Variants in RASA2 observed in about 807,000 individuals in gnomAD.
RASA2 encodes the protein ras GTPase-activating protein 2.
Under a neutral mutation model 118.2 loss-of-function variants are expected in RASA2, and 155 were observed. The observed-to-expected ratio is 1.31, with a 90% CI of 1.15 to 1.50. The LOEUF is 1.50. Among genes scored for constraint, RASA2 ranks in the 40% most tolerant of loss-of-function variants. The pLI is 0.00. For missense variants in RASA2, 1,016 were observed against 1,009.6 expected (o/e 1.01, Z -0.09); for synonymous variants, 353 against 349.1 (o/e 1.01, Z -0.12).
intron 9 of RASA2, among the ~76,000 whole-genome samples, chr3:141,561,531 A>G (rs1267458889): frequency 6.6e-6 from 1 of 152,252 alleles, no homozygotes; most frequent in Non-Finnish European, 1.5e-5. Context: ...TTCATATATA[A>G]TTCCACAGTT....
At chr3:141,608,219 A>G (rs1165241354) in intron 20 of RASA2, among the ~76,000 whole-genome samples, 2 of 151,768 alleles carry the variant, frequency 1.3e-5, no homozygotes, top group Non-Finnish European at 2.9e-5. Context: ...TCCATTAACA[A>G]TTCCCTCCCT....
intron 4 of RASA2, 45 bp downstream of exon 4, chr3:141,529,847 T>C: frequency 7.0e-7 from 1 of 1,434,348 alleles, no homozygotes; most frequent in Non-Finnish European, 9.7e-7. Context: ...TCACAGGAAA[T>C]GAGTAAAAAA....
chr3:141,503,353 A>T (rs1175666563), intron 1 of RASA2, among the ~76,000 whole-genome samples: 1 of 152,170 alleles, frequency 6.6e-6, no homozygotes. Context: ...GTAGCCTGAT[A>T]TTGGAATTTT....
chr3:141,541,971 A>T (rs951037113), intron 5 of RASA2, among the ~76,000 whole-genome samples: 3 of 152,028 alleles, frequency 2.0e-5, no homozygotes, highest in Admixed American at 6.6e-5. Context: ...CCCCTGCTTC[A>T]GTTTAATTAT....
Position 141,551,772 on chromosome 3 carries a change from A to G in RASA2, c.528-2085A>G, listed in dbSNP as rs558253582. On this transcript the variant is annotated intron_variant, in intron 5 of 23. Transcript: ENST00000286364. ...TTTAGTTTAAAAAAAAATCCAAAGA[A>G]AAGAATCAGATCAGTCTTATTCTGA... 5.3e-5 allele frequency among the ~76,000 whole-genome samples: 8 copies of G among 152,272 alleles called. No individual in the cohort carries two copies. The South Asian group carries it at 1.7e-3, about 32-fold the overall frequency.
At chr3:141,581,544 G>A (rs78425303) in intron 17 of RASA2, among the ~76,000 whole-genome samples, 2 of 152,110 alleles carry the variant, frequency 1.3e-5, no homozygotes, top group South Asian at 2.1e-4. Flanking sequence ...CCCCTTAGAC[G>A]CAAGAAGTAT....
chr3:141,526,648 G>A (rs1331276361), intron 3 of RASA2, among the ~76,000 whole-genome samples: 1 of 152,072 alleles, frequency 6.6e-6, no homozygotes, highest in Non-Finnish European at 1.5e-5. Context: ...GTGGAATCAT[G>A]TACTCTTTCT....
At position 141,557,805 on chromosome 3, in the gene RASA2, A is replaced by G. The variant is rs188460162; in HGVS notation, c.685-1081A>G. Among the ~76,000 whole-genome samples, 312 of 152,268 alleles carry G rather than the reference A, an allele frequency of 2.0e-3. 1 individual carries two copies. The highest frequency in any genetic ancestry group is 2.9e-3 in the Non-Finnish European group (197 of 68,002). On this transcript the variant is annotated intron_variant, in intron 7 of 23. Transcript: ENST00000286364. ...GAGAGAATGCAAAGGGCAAGGTAAC[A>G]AATTGGTTATAGAAAAAAAGAGAAA...
intron 3 of RASA2, among the ~76,000 whole-genome samples, chr3:141,518,809 A>G (rs2082069314): frequency 6.6e-6 from 1 of 151,990 alleles, no homozygotes; most frequent in Non-Finnish European, 1.5e-5. Flanking sequence ...AATTTGGTGT[A>G]TTTCTTCCAT....
intron 9 of RASA2, among the ~76,000 whole-genome samples, chr3:141,570,094 T>G (rs539318039): frequency 3.3e-5 from 5 of 151,972 alleles, no homozygotes; most frequent in Non-Finnish European, 7.4e-5. Flanking sequence ...AAGCTTTTTT[T>G]TTTTTTTTTT....
In RASA2 at chr3:141,580,402, C is replaced by G. The variant is rs2083092948; in HGVS notation, c.1625C>G (p.Ser542Ter). Residue 542 changes from serine to a stop codon, truncating the protein, a stop_gained, in exon 16 of 24, where the codon TCA (serine) becomes TGA (stop). Coordinates refer to ENST00000286364, the MANE Select transcript of RASA2 (RefSeq NM_006506.5). LOFTEE classifies it high-confidence loss of function. ...AQTIRTLTLI[S>*]KTIQTLGSWG... ...ACAATTAGAACATTAACTCTCATCT[C>G]AAAAACTATACAAACTTTGGGAAGC... The G allele has an allele frequency of 6.2e-7, 1 of 1,609,792 alleles. No individual in the cohort carries two copies. The highest frequency in any genetic ancestry group is 1.3e-5 in the African/African-American group (1 of 74,866).
intron 19 of RASA2, among the ~76,000 whole-genome samples, chr3:141,599,967 A>C (rs1056006609): frequency 6.6e-6 from 1 of 152,218 alleles, no homozygotes; most frequent in Non-Finnish European, 1.5e-5. Context: ...GAACTGTTTC[A>C]GATTACTTAA....
At chr3:141,571,636 A>T (rs1187746264) in intron 11 of RASA2, 82 bp downstream of exon 11, 1 of 1,361,314 alleles carries the variant, frequency 7.3e-7, no homozygotes, top group Non-Finnish European at 1.0e-6. Flanking sequence ...TGTAGTCTGA[A>T]TTTTTTTGTA....
chr3:141,507,928 A>C (rs961872080), intron 1 of RASA2, among the ~76,000 whole-genome samples: 2 of 152,166 alleles, frequency 1.3e-5, no homozygotes, highest in African/African-American at 4.8e-5. Flanking sequence ...AGGAAGACAT[A>C]CACTGAAGGA....
At chr3:141,600,986 A>G (rs1218579391) in intron 19 of RASA2, among the ~76,000 whole-genome samples, 1 of 152,238 alleles carries the variant, frequency 6.6e-6, no homozygotes, top group Non-Finnish European at 1.5e-5. Flanking sequence ...AAACACACAC[A>G]TAAATATGGC....
rs1464085051 is a variant in RASA2, at chr3:141,604,258, C to G, written c.1934-3420C>G. Among the ~76,000 whole-genome samples, 15 of 152,010 alleles carry G rather than the reference C, an allele frequency of 9.9e-5. 1 individual carries two copies. Among genetic ancestry groups the G allele is most frequent in the Admixed American group, 9.8e-4 (15 of 15,260 alleles). ...TGTTTTGTGTTTTCTATTTACTAGT[C>G]TTTTCTGTTTCTTGGGTTTATTTTT... On this transcript the variant is annotated intron_variant, in intron 19 of 23. Transcript: ENST00000286364.
At position 141,586,017 on chromosome 3, in the gene RASA2, C is replaced by T; in HGVS notation, c.1753-8C>T. Reference sequence around the variant, plus strand: ...CACAGTGTAATATTTGCCCATTTCCCCATTTAGTTCTTGGATGAAATTTCA... The same window carrying T: ...CACAGTGTAATATTTGCCCATTTCCTCATTTAGTTCTTGGATGAAATTTCA... On this transcript the variant is annotated splice_polypyrimidine_tract_variant and splice_region_variant and intron_variant, in intron 17 of 23. Coordinates refer to ENST00000286364, the MANE Select transcript of RASA2 (RefSeq NM_006506.5). 6.2e-7 allele frequency: 1 copy of T among 1,601,586 alleles called. No homozygotes were observed. Among genetic ancestry groups the T allele is most frequent in the Non-Finnish European group, 8.6e-7 (1 of 1,169,578 alleles).
At chr3:141,572,315 C>T (rs2082937100) in intron 11 of RASA2, among the ~76,000 whole-genome samples, 1 of 151,998 alleles carries the variant, frequency 6.6e-6, no homozygotes, top group Non-Finnish European at 1.5e-5. Flanking sequence ...TAGTCTCACA[C>T]TCCTGACTTC....
rs1246513853 is a variant in RASA2 at position 141,489,268 on chromosome 3, CT to C, written c.133+2053del. Among the ~76,000 whole-genome samples the C allele has an allele frequency of 2.6e-5, 4 of 152,158 alleles. No homozygotes were observed. In the East Asian group the frequency reaches 7.7e-4, roughly 29 times the overall value. Reference sequence around the variant, plus strand: ...ATTTGTATACTTATATACAGAAGCTCTCTTCCCATTTCTTTGTCCTCCTTTT... The same window carrying C: ...ATTTGTATACTTATATACAGAAGCTCCTTCCCATTTCTTTGTCCTCCTTTT... On this transcript the variant is annotated intron_variant, in intron 1 of 23. Coordinates refer to ENST00000286364, the MANE Select transcript of RASA2 (RefSeq NM_006506.5).
Sources: gnomAD v4.1 joint callset for allele counts (sites outside exome capture counted in the v4.1 genomes callset) on GRCh38, gnomAD v4.1.1 for gene constraint, MANE v1.5 for transcripts, NCBI Gene and HGNC (gene_info 2026-07-23, HGNC 2026-07-21) for gene names.